Variants in NTNG1 observed in about 807,000 individuals in gnomAD.
NTNG1 encodes the protein netrin G1, also known as netrin-G1.
NTNG1 carries 16 observed loss-of-function variants against 54.0 expected under a neutral mutation model. The observed-to-expected ratio is 0.30, with a 90% CI of 0.20 to 0.45. NTNG1 has a LOEUF of 0.45. NTNG1 is among the 20% of genes least tolerant of loss of function. The probability of loss-of-function intolerance (pLI) is 1.00; values close to 1 mark genes in which losing one functional copy is unlikely to be tolerated. For missense variants in NTNG1, 530 were observed against 678.7 expected (o/e 0.78, Z 2.43); for synonymous variants, 255 against 263.1 (o/e 0.97, Z 0.30).
chr1:107,409,641 C>T (rs1048427233), intron 5 of NTNG1: 1 of 152,048 alleles, frequency 6.6e-6, no homozygotes, highest in East Asian at 1.9e-4. Flanking sequence ...AAAATTTACT[C>T]CTAATAAAAA....
chr1:107,273,029 A>C (rs890640535), intron 2 of NTNG1, among the ~76,000 whole-genome samples: 2 of 152,214 alleles, frequency 1.3e-5, no homozygotes, highest in Admixed American at 1.3e-4. Context: ...AAAGATGCAA[A>C]GATCAATAAT....
intron 2 of NTNG1, among the ~76,000 whole-genome samples, chr1:107,157,466 C>T (rs934792038): frequency 2.0e-5 from 3 of 152,156 alleles, no homozygotes; most frequent in African/African-American, 7.2e-5. Flanking sequence ...TCATTATCCT[C>T]ATCAATACTG....
chr1:107,171,492 C>G (rs1656235597), intron 2 of NTNG1, among the ~76,000 whole-genome samples: 1 of 152,086 alleles, frequency 6.6e-6, no homozygotes, highest in Non-Finnish European at 1.5e-5. Flanking sequence ...TCAAGTTTTT[C>G]TCTCTCAAGG....
At chr1:107,353,118 T>C (rs1669726840) in intron 3 of NTNG1, among the ~76,000 whole-genome samples, 6 of 152,222 alleles carry the variant, frequency 3.9e-5, no homozygotes, top group Admixed American at 3.3e-4. Context: ...ACATTTTTCT[T>C]ATGCAAATTT....
chr1:107,337,277 C>G (rs1216450116), intron 3 of NTNG1, among the ~76,000 whole-genome samples: 1 of 151,864 alleles, frequency 6.6e-6, no homozygotes, highest in Admixed American at 6.6e-5. Flanking sequence ...TTTATTTAGC[C>G]ACAAAAAGGA....
intron 2 of NTNG1, among the ~76,000 whole-genome samples, chr1:107,166,339 G>A (rs898067777): frequency 2.0e-5 from 3 of 152,144 alleles, no homozygotes; most frequent in Non-Finnish European, 4.4e-5. Context: ...CCATTGTGCT[G>A]TCTGTGAATT....
At chr1:107,437,785 G>A (rs1373337) in intron 7 of NTNG1, among the ~76,000 whole-genome samples, 30,794 of 151,778 alleles carry the variant, frequency 0.2, 3,374 homozygotes, top group African/African-American at 0.28. Context: ...TATATTTTTC[G>A]TGTTTTTTTA....
rs1388053872 is a variant in NTNG1, at chr1:107,410,293, G to A, written c.1087+2585G>A. The A allele has an allele frequency of 2.6e-5, 4 of 152,194 alleles. No homozygotes were observed. In the East Asian group the frequency reaches 5.8e-4, roughly 22 times the overall value. The allele number at this position is 152,194 out of a possible 1,614,324, so 9.4% of individuals were successfully genotyped here. ...ATACACAGTGATTAAAGGTTTTGGGGCCCTAATAAATTTCAGTATAGATCT... is the reference window on the plus strand; with the variant it reads ...ATACACAGTGATTAAAGGTTTTGGGACCCTAATAAATTTCAGTATAGATCT... On this transcript the variant is annotated intron_variant, in intron 5 of 7. Coordinates refer to ENST00000370068, the MANE Select transcript of NTNG1 (RefSeq NM_001113226.3).
chr1:107,237,114 G>T (rs1302781183), intron 2 of NTNG1, among the ~76,000 whole-genome samples: 1 of 152,180 alleles, frequency 6.6e-6, no homozygotes, highest in East Asian at 1.9e-4. Flanking sequence ...CCAAAATGCT[G>T]ATAGCGATAT....
intron 3 of NTNG1, among the ~76,000 whole-genome samples, chr1:107,364,909 T>C (rs959571395): frequency 1.3e-5 from 2 of 152,200 alleles, no homozygotes; most frequent in African/African-American, 4.8e-5. Flanking sequence ...TCATTCATTA[T>C]GTAAAAAAGT....
chr1:107,352,806 G>C (rs1669702754), intron 3 of NTNG1, among the ~76,000 whole-genome samples: 1 of 152,176 alleles, frequency 6.6e-6, no homozygotes, highest in African/African-American at 2.4e-5. Context: ...TAAGTTCTGT[G>C]CACCTGCAGG....
rs113456998 is a variant in NTNG1, at chr1:107,168,984, T to C, written c.246+20145T>C. ...TCAATCTGTACCCATATTTAATGTA[T>C]AGTTAAAATAAAACTAACCATTGCA... On this transcript the variant is annotated intron_variant, in intron 2 of 7. Transcript: ENST00000370068. Among the ~76,000 whole-genome samples the C allele has an allele frequency of 2.0e-5, 3 of 152,298 alleles. 1 individual carries two copies. Among genetic ancestry groups the C allele is most frequent in the African/African-American group, 7.2e-5 (3 of 41,576 alleles).
intron 2 of NTNG1, among the ~76,000 whole-genome samples, chr1:107,264,406 C>T (rs563329390): frequency 6.8e-4 from 103 of 152,296 alleles, no homozygotes; most frequent in South Asian, 1.7e-3. Context: ...GAAGCAACCC[C>T]CAAATTCAAG....
At chr1:107,227,523 G>C (rs1164131713) in intron 2 of NTNG1, among the ~76,000 whole-genome samples, 1 of 152,004 alleles carries the variant, frequency 6.6e-6, no homozygotes, top group Non-Finnish European at 1.5e-5. Flanking sequence ...TCCTCGGTTG[G>C]TCCCTTGAGC....
At chr1:107,410,490 G>A (rs935793926) in intron 5 of NTNG1, 1 of 152,120 alleles carries the variant, frequency 6.6e-6, no homozygotes, top group Admixed American at 6.5e-5. Flanking sequence ...ACTTGACTTA[G>A]AACTCAGTCA....
At chr1:107,235,547 G>T (rs1410832819) in intron 2 of NTNG1, among the ~76,000 whole-genome samples, 1 of 152,104 alleles carries the variant, frequency 6.6e-6, no homozygotes, top group Non-Finnish European at 1.5e-5. Context: ...TTACCTTCAG[G>T]AGCTCCATCA....
At chr1:107,386,437 G>A (rs1430838941) in intron 3 of NTNG1, among the ~76,000 whole-genome samples, 1 of 151,994 alleles carries the variant, frequency 6.6e-6, no homozygotes, top group Non-Finnish European at 1.5e-5. Context: ...GCCTCCCAAA[G>A]TGCTGGGATT....
intron 3 of NTNG1, among the ~76,000 whole-genome samples, chr1:107,389,342 G>A (rs1672218876): frequency 6.6e-6 from 1 of 152,092 alleles, no homozygotes; most frequent in Non-Finnish European, 1.5e-5. Context: ...TTGAACATTA[G>A]TAATAGGCTA....
At chr1:107,167,955 A>G (rs938298950) in intron 2 of NTNG1, among the ~76,000 whole-genome samples, 4 of 152,106 alleles carry the variant, frequency 2.6e-5, no homozygotes, top group African/African-American at 9.7e-5. Context: ...AAATAATGCT[A>G]GAACAGACTC....
Sources: gnomAD v4.1 joint callset for allele counts (sites outside exome capture counted in the v4.1 genomes callset) on GRCh38, gnomAD v4.1.1 for gene constraint, MANE v1.5 for transcripts, NCBI Gene and HGNC (gene_info 2026-07-23, HGNC 2026-07-21) for gene names.